The following RBFOX1 variants were observed in gnomAD, a reference collection of about 807,000 sequenced individuals.
RBFOX1 encodes RNA binding protein fox-1 homolog 1.
In RBFOX1, 8 loss-of-function variants were observed where a neutral mutation model predicts 57.7. The observed-to-expected ratio is 0.14, with a 90% CI of 0.08 to 0.25. The LOEUF (loss-of-function observed/expected upper bound fraction) is 0.25. Ranked by LOEUF, RBFOX1 falls within the 10% of genes least tolerant of loss-of-function variation. The probability of loss-of-function intolerance (pLI) is 1.00; values close to 1 mark genes in which losing one functional copy is unlikely to be tolerated. For synonymous variants in RBFOX1, 326 were observed against 222.4 expected, an observed-to-expected ratio of 1.47 and a Z score of -4.15; for missense variants, 611 against 548.5, an observed-to-expected ratio of 1.11 and a Z score of -1.14.
At chr16:6,597,355 T>A (rs981667254) in intron 2 of RBFOX1, among the ~76,000 whole-genome samples, 1 of 152,048 alleles carries the variant, frequency 6.6e-6, no homozygotes, top group African/African-American at 2.4e-5. Context: ...ATAAGCCAGA[T>A]CTTCAATATC....
intron 2 of RBFOX1, among the ~76,000 whole-genome samples, chr16:6,542,483 C>CTTGTTTTTTTTT (rs2096834996): frequency 1.8e-5 from 1 of 55,728 alleles, no homozygotes; most frequent in African/African-American, 7.6e-5. Flanking sequence ...GGACCATAGT[C>CTTGTTTTTTTTT]TTTTTTTTTT....
At chr16:7,136,614 A>G (rs572737433) in intron 4 of RBFOX1, among the ~76,000 whole-genome samples, 28 of 152,144 alleles carry the variant, frequency 1.8e-4, no homozygotes, top group South Asian at 8.3e-4. Flanking sequence ...GCTGGGTCTC[A>G]TAATGTTGCC....
At chr16:5,538,205 G>A (rs2044777633) in intron 2 of RBFOX1, among the ~76,000 whole-genome samples, 1 of 152,190 alleles carries the variant, frequency 6.6e-6, no homozygotes, top group African/African-American at 2.4e-5. Context: ...AGACCCTGAA[G>A]TTGTCAGATC....
chr16:5,807,010 T>C (rs1410537618), intron 3 of RBFOX1, among the ~76,000 whole-genome samples: 1 of 152,144 alleles, frequency 6.6e-6, no homozygotes, highest in Non-Finnish European at 1.5e-5. Context: ...AAGCTAGAGC[T>C]ACCCCCCGAC....
At position 7,710,481 on chromosome 16, in the gene RBFOX1, C is replaced by G. The variant is rs528824516; in HGVS notation, c.1072-142C>G. The G allele has an allele frequency of 3.4e-4, 523 of 1,526,248 alleles. 6 individuals carry two copies. In the South Asian group the frequency reaches 6.6e-3, roughly 19 times the overall value. 94.5% of individuals were successfully genotyped at this position (1,526,248 alleles called of 1,614,324 possible). ...CAGGAATGGCCCTATCTTTAGTTCT[C>G]CAAGAATGACCTGGGATGGGTAGGG... is the stretch of plus-strand genomic sequence containing the variant. On this transcript the variant is annotated intron_variant, in intron 15 of 15. Transcript: ENST00000550418.
chr16:5,765,871 C>G (rs900764432), intron 3 of RBFOX1, among the ~76,000 whole-genome samples: 5 of 152,168 alleles, frequency 3.3e-5, no homozygotes, highest in Admixed American at 2.0e-4. Context: ...TTCCTAGTCT[C>G]CCGTGGAAAA....
intron 11 of RBFOX1, among the ~76,000 whole-genome samples, chr16:7,632,559 A>G (rs2061145898): frequency 6.6e-6 from 1 of 152,196 alleles, no homozygotes; most frequent in Admixed American, 6.5e-5. Flanking sequence ...TTCAACCTTC[A>G]GCTACCTTTC....
chr16:6,231,831 GTTTTTTTTTTTT>G (rs34438828), intron 1 of RBFOX1, among the ~76,000 whole-genome samples: 20 of 123,598 alleles, frequency 1.6e-4, no homozygotes, highest in African/African-American at 6.2e-4. Context: ...TAGCTTTCCA[GTTTTTTTTTTTT>G]TTTTTTTTTG....
At chr16:7,284,355 G>C (rs1238805564) in intron 4 of RBFOX1, among the ~76,000 whole-genome samples, 2 of 152,100 alleles carry the variant, frequency 1.3e-5, no homozygotes, top group East Asian at 3.9e-4. Flanking sequence ...TTAAGATATA[G>C]ACTCCTGCTC....
At chr16:5,288,434 C>G (rs201435013) in intron 1 of RBFOX1, among the ~76,000 whole-genome samples, 1 of 144,390 alleles carries the variant, frequency 6.9e-6, no homozygotes, top group Non-Finnish European at 1.5e-5. Context: ...ATTAAATAGT[C>G]TTCCCCAGAC....
intron 3 of RBFOX1, among the ~76,000 whole-genome samples, chr16:6,714,624 G>T (rs561201707): frequency 9.2e-5 from 14 of 152,078 alleles, no homozygotes; most frequent in Non-Finnish European, 2.1e-4. Context: ...AGAAATGCAG[G>T]TATTGAAGAT....
chr16:7,275,239 G>A (rs1393665499), intron 4 of RBFOX1, among the ~76,000 whole-genome samples: 2 of 152,272 alleles, frequency 1.3e-5, no homozygotes, highest in East Asian at 1.9e-4. Context: ...TTCAAAAATA[G>A]CATTGTGCCA....
At chr16:6,445,476 GT>G (rs1398567029) in intron 2 of RBFOX1, among the ~76,000 whole-genome samples, 1 of 151,216 alleles carries the variant, frequency 6.6e-6, no homozygotes, top group Non-Finnish European at 1.5e-5. Context: ...ATTATAGTCA[GT>G]TCCTGCAAAG....
intron 3 of RBFOX1, among the ~76,000 whole-genome samples, chr16:6,863,736 T>A (rs1216158217): frequency 8.6e-5 from 7 of 81,456 alleles, no homozygotes; most frequent in East Asian, 4.2e-4. Context: ...TTTTTTTTTT[T>A]TTTTTTTTTT....
intron 2 of RBFOX1, among the ~76,000 whole-genome samples, chr16:6,391,341 C>T (rs149640657): frequency 4.6e-5 from 7 of 152,094 alleles, no homozygotes; most frequent in Non-Finnish European, 1.0e-4. Context: ...AACCCCGTCT[C>T]TACTAAAAAT....
intron 2 of RBFOX1, among the ~76,000 whole-genome samples, chr16:6,498,327 T>C (rs1229595270): frequency 1.3e-5 from 2 of 151,570 alleles, no homozygotes; most frequent in Admixed American, 6.6e-5. Flanking sequence ...GATAGTAGAA[T>C]TTAGAGAGAC....
At chr16:6,002,727 G>C (rs1244259500) in intron 4 of RBFOX1, among the ~76,000 whole-genome samples, 1 of 152,208 alleles carries the variant, frequency 6.6e-6, no homozygotes, top group Non-Finnish European at 1.5e-5. Context: ...TCTTAAAATA[G>C]TGGCTGACAC....
chr16:5,469,169 G>T (rs1392526492), intron 2 of RBFOX1, among the ~76,000 whole-genome samples: 1 of 152,164 alleles, frequency 6.6e-6, no homozygotes, highest in African/African-American at 2.4e-5. Context: ...TGGTGGAGGG[G>T]TTCTCTCAGG....
chr16:5,750,445 GC>G (rs1482007865), intron 3 of RBFOX1, among the ~76,000 whole-genome samples: 3 of 152,206 alleles, frequency 2.0e-5, no homozygotes, highest in African/African-American at 7.2e-5. Flanking sequence ...CTTTTGTTTG[GC>G]TATGCCGTGC....
Sources: gnomAD v4.1 joint callset for allele counts (sites outside exome capture counted in the v4.1 genomes callset) on GRCh38, gnomAD v4.1.1 for gene constraint, MANE v1.5 for transcripts, NCBI Gene and HGNC (gene_info 2026-07-23, HGNC 2026-07-21) for gene names.